TGM5: variants seen among roughly 807,000 people sequenced by gnomAD.
The protein encoded by TGM5 is transglutaminase 5.
A neutral mutation model predicts 77.2 loss-of-function variants in TGM5; 69 were observed. The ratio of observed to expected loss-of-function variants is 0.89; its 90% CI spans 0.74 to 1.09. The LOEUF (loss-of-function observed/expected upper bound fraction) is 1.09. Ranked by LOEUF, TGM5 falls within the 50% of genes least tolerant of loss-of-function variation. The pLI is 0.00. For missense variants in TGM5, 842 were observed against 896.5 expected (o/e 0.94, Z 0.78); for synonymous variants, 346 against 351.8 (o/e 0.98, Z 0.18).
chr15:43,234,373 C>A (rs1179193563), intron 11 of TGM5, among the ~76,000 whole-genome samples: 1 of 152,170 alleles, frequency 6.6e-6, no homozygotes, highest in Non-Finnish European at 1.5e-5. Context: ...GAAACAGAGG[C>A]CCAAGGCCCT....
At chr15:43,257,514 A>G (rs2042750847) in intron 3 of TGM5, among the ~76,000 whole-genome samples, 1 of 152,192 alleles carries the variant, frequency 6.6e-6, no homozygotes, top group Admixed American at 6.5e-5. Context: ...TTTGCCATTG[A>G]AAGTAATGGA....
intron 9 of TGM5, 29 bp from the exon 10 acceptor site, chr15:43,235,866 T>C (rs1305549105): frequency 6.2e-7 from 1 of 1,612,048 alleles, no homozygotes; most frequent in Non-Finnish European, 8.5e-7. Flanking sequence ...CAGCACCAGC[T>C]GTGAGCCAGG....
At position 43,238,833 on chromosome 15, in the gene TGM5, G is replaced by C. The variant is rs142849623; in HGVS notation, c.1329C>G (p.Asn443Lys). ...QSDERDDITE[N>K]YKYEEGSLQE... ...CTTACTTACCTTCTTCATACTTGTA[G>C]TTCTCTGTGATGTCATCCCGCTCGT... The change falls in exon 9 of 13, where the codon AAC becomes AAG. Residue 443 changes from asparagine to lysine, a missense_variant. Asn to Lys is a moderately conservative substitution (Grantham distance 94, BLOSUM62 0). This residue lies in a region of TGM5 where 815 missense variants were observed against 844.6 expected (regional missense o/e 0.96). Coordinates refer to ENST00000220420, the MANE Select transcript of TGM5 (RefSeq NM_201631.4). 3.1e-6 allele frequency: 5 copies of C among 1,614,034 alleles called. No homozygotes were observed. In the African/African-American group the frequency reaches 6.7e-5, roughly 22 times the overall value.
chr15:43,235,384 C>T, intron 10 of TGM5, 85 bp downstream of exon 10: 1 of 1,585,526 alleles, frequency 6.3e-7, no homozygotes, highest in East Asian at 2.2e-5. Flanking sequence ...TCTCAGGGGT[C>T]TGCCCCCAGA....
chr15:43,239,026 C>A lies in TGM5; in HGVS notation c.1136G>T (p.Arg379Ile). The A allele has an allele frequency of 6.2e-7, 1 of 1,614,026 alleles. No individual in the cohort carries two copies. Among genetic ancestry groups the A allele is most frequent in the South Asian group, 1.1e-5 (1 of 91,072 alleles). ...GVYCCGPASV[R>I]AIKEGEVDLN... ...GTCCACTTCTCCTTCTTTGATGGCT[C>A]TGACAGAGGCAGGGCCACAGCAGTA... The change falls in exon 9 of 13, where the codon AGA (arginine) becomes ATA (isoleucine). Residue 379 changes from arginine (R) to isoleucine (I), a missense_variant. Physicochemically the swap from Arg to Ile is moderately conservative, Grantham distance 97 (BLOSUM62 -3). This residue lies in a region of TGM5 where 815 missense variants were observed against 844.6 expected (regional missense o/e 0.96). Coordinates refer to ENST00000220420, the MANE Select transcript of TGM5 (RefSeq NM_201631.4).
At chr15:43,261,656 T>C (rs539581556) in intron 1 of TGM5, among the ~76,000 whole-genome samples, 11 of 152,298 alleles carry the variant, frequency 7.2e-5, no homozygotes, top group African/African-American at 1.9e-4. Flanking sequence ...CACAATTGGC[T>C]CACCCATCTT....
intron 4 of TGM5, 21 bp downstream of exon 4, chr15:43,256,547 A>C: frequency 6.3e-7 from 1 of 1,593,920 alleles, no homozygotes. Context: ...GGGATGGGCC[A>C]TAAGCAGGGC....
At chr15:43,253,410 A>T in intron 5 of TGM5, 96 bp downstream of exon 5, 1 of 1,553,876 alleles carries the variant, frequency 6.4e-7, no homozygotes, top group Non-Finnish European at 8.7e-7. Context: ...GCTTTGCCAG[A>T]GGGTCCCTCT....
Position 43,234,869 on chromosome 15 carries a change from T to C in TGM5, c.1775A>G (p.Lys592Arg), listed in dbSNP as rs1451626168. ...SQYSQYLSTD[K>R]LIRISALGEE... ...ACCCAGGGCACTGATGCGGATCAGC[T>C]TGTCTGTTGACAGGTACTGGCTGTA... is the stretch of plus-strand genomic sequence containing the variant. The change falls in exon 11 of 13, where the codon AAG becomes AGG. Residue 592 changes from lysine to arginine, a missense_variant. Lys to Arg is a conservative substitution (Grantham distance 26). Transcript: ENST00000220420. 1.2e-6 allele frequency: 2 copies of C among 1,614,212 alleles called. No homozygotes were observed. The highest frequency in any genetic ancestry group is 1.7e-6 in the Non-Finnish European group (2 of 1,180,028).
Position 43,234,781 on chromosome 15 carries a change from G to A in TGM5, c.1863C>T (p.Ser621=). Residue 621 remains serine, a synonymous_variant, in exon 11 of 13, where the codon AGC becomes AGT. Coordinates refer to ENST00000220420, the MANE Select transcript of TGM5 (RefSeq NM_201631.4). ...VNKIITLSYP[S]ITINVLGAAV... The stretch of plus-strand genomic sequence containing the variant: ...GACTCCTGCCTACATTAATCGTGAT[G>A]CTTGGATAAGATAAGGTGATGATCT... 6.2e-7 allele frequency: 1 copy of A among 1,614,214 alleles called. No homozygotes were observed. The highest frequency in any genetic ancestry group is 8.5e-7 in the Non-Finnish European group (1 of 1,180,026).
rs1330609829 is a variant in TGM5, at chr15:43,233,615, C to T, written c.1948G>A (p.Val650Ile). 2 of 1,614,200 alleles carry T rather than the reference C, an allele frequency of 1.2e-6. No homozygotes were observed. Among genetic ancestry groups the T allele is most frequent in the Non-Finnish European group, 1.7e-6 (2 of 1,180,034 alleles). ...VIFSNPLSEQVEDCVLTVEGS... is the reference protein window; with the variant it reads ...VIFSNPLSEQIEDCVLTVEGS... Reference sequence around the variant, plus strand: ...TCCACAGTCAGCACACAGTCCTCAACCTGCTCCGAGAGGGGGTTTGAAAAT... The same window carrying T: ...TCCACAGTCAGCACACAGTCCTCAATCTGCTCCGAGAGGGGGTTTGAAAAT... Residue 650 changes from valine to isoleucine, a missense_variant, in exon 12 of 13, where the codon GTT becomes ATT. Val to Ile is a conservative substitution (Grantham distance 29). Around this residue, in one of 2 missense-constraint regions of TGM5, gnomAD observed 815 missense variants for 844.6 expected, o/e 0.96. Transcript: ENST00000220420.
chr15:43,238,840 G>C lies in TGM5; in HGVS notation c.1322C>G (p.Thr441Arg). 1 of 1,614,104 alleles carries C rather than the reference G, an allele frequency of 6.2e-7. No homozygotes were observed. The highest frequency in any genetic ancestry group is 8.5e-7 in the Non-Finnish European group (1 of 1,180,006). Residue 441 changes from threonine to arginine, a missense_variant, in exon 9 of 13, where the codon ACA becomes AGA. Physicochemically the swap from Thr to Arg is moderately conservative, Grantham distance 71. Transcript: ENST00000220420. ...SIQSDERDDI[T>R]ENYKYEEGSL... ...ACCTTCTTCATACTTGTAGTTCTCTGTGATGTCATCCCGCTCGTCACTCTG... is the reference window on the plus strand; with the variant it reads ...ACCTTCTTCATACTTGTAGTTCTCTCTGATGTCATCCCGCTCGTCACTCTG...
In TGM5 at chr15:43,232,898, T is replaced by C; in HGVS notation, c.*293A>G. 1 of 408,050 alleles carries C rather than the reference T, an allele frequency of 2.5e-6. No homozygotes were observed. The highest frequency in any genetic ancestry group is 2.3e-5 in the South Asian group (1 of 43,690). The allele number at this position is 408,050 out of a possible 1,614,324, so 25.3% of individuals were successfully genotyped here. A position where few individuals can be genotyped will look rare whatever the true frequency, so the allele number is the denominator to read the frequency against. On this transcript the variant is annotated 3_prime_UTR_variant, in exon 13 of 13. Coordinates refer to ENST00000220420, the MANE Select transcript of TGM5 (RefSeq NM_201631.4). ...CCATAGACATTTCCTACCTGTTCTC[T>C]GGATGCTGGAGTCTCCTATTCATTC...
chr15:43,260,233 G>T lies in TGM5; in HGVS notation c.255C>A (p.Pro85=). ...TCTCCAGCCAGGCAATCCAGGGGCT[G>T]GGGCTGTGATGGCGTGCCAGGCTGA... is the stretch of plus-strand genomic sequence containing the variant. ...AVFSLARHHS[P]SPWIAWLETN... is the part of the protein sequence containing the mutation. The change falls in exon 3 of 13, where the codon CCC becomes CCA. Residue 85 remains proline (P), a synonymous_variant. Coordinates refer to ENST00000220420, the MANE Select transcript of TGM5 (RefSeq NM_201631.4). 6.2e-7 allele frequency: 1 copy of T among 1,613,772 alleles called. No homozygotes were observed. The highest frequency in any genetic ancestry group is 1.1e-5 in the South Asian group (1 of 91,080).
In TGM5 at chr15:43,234,896, T is replaced by C. The variant is rs897562406; in HGVS notation, c.1748A>G (p.Gln583Arg). The change falls in exon 11 of 13, where the codon CAG (glutamine) becomes CGG (arginine). Residue 583 changes from glutamine (Q) to arginine (R), a missense_variant. Gln to Arg is a conservative substitution (Grantham distance 43). Transcript: ENST00000220420. ...KTYPCKISYSQYSQYLSTDKL... is the reference protein window; with the variant it reads ...KTYPCKISYSRYSQYLSTDKL... Reference sequence around the variant, plus strand: ...GTCTGTTGACAGGTACTGGCTGTACTGGGAATAGGAGATTTTGCAGGGGTA... The same window carrying C: ...GTCTGTTGACAGGTACTGGCTGTACCGGGAATAGGAGATTTTGCAGGGGTA... The C allele has an allele frequency of 6.8e-6, 11 of 1,614,134 alleles. No individual in the cohort carries two copies. Among genetic ancestry groups the C allele is most frequent in the South Asian group, 6.6e-5 (6 of 91,082 alleles).
rs1391945485 is a variant in TGM5, at chr15:43,261,064, TTTTGTGTGTGTG to T, written c.11-497_11-486del. ...TCCTTGGGCTAGCTGCTCTTCCTTT[TTTTGTGTGTGTG>T]TTTTTTTTTTTTTTTTTTTTTTTTT... On this transcript the variant is annotated intron_variant, in intron 1 of 12. Transcript: ENST00000220420. 3.0e-4 allele frequency among the ~76,000 whole-genome samples: 17 copies of T among 55,904 alleles called. 2 individuals are homozygous for T. Among genetic ancestry groups the T allele is most frequent in the African/African-American group, 1.3e-3 (14 of 10,442 alleles). 36.7% of individuals were successfully genotyped at this position (55,904 alleles called of 152,430 possible).
At chr15:43,233,455 C>G (rs113048551) in intron 12 of TGM5, 99 bp downstream of exon 12, 3 of 1,611,798 alleles carry the variant, frequency 1.9e-6, no homozygotes, top group African/African-American at 1.3e-5. Context: ...TTCCCTTCCC[C>G]GGTGTTGTGG....
rs546587319 is a variant in TGM5 at position 43,266,761 on chromosome 15, C to T, written c.10+79G>A. ...TACTTCTTTATTTCTCTGAATCCAC[C>T]CTCCACCCCTTGACTTCCTACAGTC... On this transcript the variant is annotated intron_variant, in intron 1 of 12. Transcript: ENST00000220420. 5.1e-6 allele frequency: 8 copies of T among 1,556,094 alleles called. No individual in the cohort carries two copies. The African/African-American group carries it at 5.4e-5, about 11-fold the overall frequency.
intron 7 of TGM5, among the ~76,000 whole-genome samples, chr15:43,240,233 C>G (rs1308923119): frequency 6.6e-6 from 1 of 152,166 alleles, no homozygotes; most frequent in Non-Finnish European, 1.5e-5. Context: ...GGTTCTGCCC[C>G]ATATTGGGAA....
Sources: allele counts gnomAD v4.1 joint callset (sites outside exome capture counted in the v4.1 genomes callset), GRCh38; gene constraint gnomAD v4.1.1; regional missense constraint gnomAD v4.1.1; transcripts MANE v1.5; gene names NCBI Gene and HGNC (gene_info 2026-07-23, HGNC 2026-07-21).